The following TIAM1 variants were observed in gnomAD, a reference collection of about 807,000 sequenced individuals.
TIAM1 encodes the protein rho guanine nucleotide exchange factor TIAM1.
A neutral mutation model predicts 163.5 loss-of-function variants in TIAM1; 65 were observed. The ratio of observed to expected loss-of-function variants is 0.40; its 90% CI spans 0.33 to 0.49. The LOEUF (loss-of-function observed/expected upper bound fraction) is 0.49. Ranked by LOEUF, TIAM1 falls within the 20% of genes least tolerant of loss-of-function variation. The probability of loss-of-function intolerance (pLI) is 0.77; values close to 1 mark genes in which losing one functional copy is unlikely to be tolerated. For missense variants in TIAM1, 1,789 were observed against 2,044.7 expected, an observed-to-expected ratio of 0.87 and a Z score of 2.41; for synonymous variants, 833 against 810.1, an observed-to-expected ratio of 1.03 and a Z score of -0.48.
In TIAM1 at chr21:31,479,369, TTGGATGGATGGA is replaced by T. The variant is rs58755974; in HGVS notation, c.-421-15346_-421-15335del. 1.0e-4 allele frequency among the ~76,000 whole-genome samples: 15 copies of T among 149,608 alleles called. No homozygotes were observed. The South Asian group carries it at 1.3e-3, about 13-fold the overall frequency. ...TATAATTATGCATGTGGATGGATGA[TTGGATGGATGGA>T]TGGATGGATGGATGGATGGACGGAG... On this transcript the variant is annotated intron_variant, in intron 1 of 28. Transcript: ENST00000286827.
intron 6 of TIAM1, among the ~76,000 whole-genome samples, chr21:31,227,198 C>A (rs933628932): frequency 2.0e-5 from 3 of 152,058 alleles, no homozygotes; most frequent in African/African-American, 7.2e-5. Context: ...CTCAAGTGAT[C>A]CACCCGCCTC....
intron 1 of TIAM1, among the ~76,000 whole-genome samples, chr21:31,512,605 C>CT (rs1390999779): frequency 6.9e-6 from 1 of 144,532 alleles, no homozygotes; most frequent in Non-Finnish European, 1.5e-5. Flanking sequence ...CTGTCTTTTT[C>CT]TTTTTTCTTT....
At chr21:31,400,251 C>T (rs947755213) in intron 2 of TIAM1, among the ~76,000 whole-genome samples, 4 of 151,914 alleles carry the variant, frequency 2.6e-5, no homozygotes, top group African/African-American at 9.7e-5. Context: ...CCTCAGCTCC[C>T]GAGTAGCTGG....
At chr21:31,182,739 G>T in intron 14 of TIAM1, 94 bp from the exon 15 acceptor site, 1 of 1,285,846 alleles carries the variant, frequency 7.8e-7, no homozygotes, top group African/African-American at 1.5e-5. Flanking sequence ...CCTGCTGTGG[G>T]TCTCACAGCC....
chr21:31,486,842 A>C (rs1162797913), intron 1 of TIAM1, among the ~76,000 whole-genome samples: 1 of 152,188 alleles, frequency 6.6e-6, no homozygotes, highest in African/African-American at 2.4e-5. Flanking sequence ...AGGCCCCCGC[A>C]TGTCACACGA....
intron 1 of TIAM1, among the ~76,000 whole-genome samples, chr21:31,556,535 G>GTT (rs61076252): frequency 1.4e-4 from 21 of 148,946 alleles, no homozygotes; most frequent in South Asian, 6.4e-4. Context: ...AAAACAGGAA[G>GTT]TTTTTTTTTT....
intron 2 of TIAM1, among the ~76,000 whole-genome samples, chr21:31,438,179 CTTTTTTTTTTTTT>C (rs34844399): frequency 2.9e-4 from 18 of 62,718 alleles, no homozygotes; most frequent in South Asian, 6.6e-4. Context: ...TATTTGTGAT[CTTTTTTTTTTTTT>C]TTTTTTTTTT....
chr21:31,204,310 A>C (rs2086346619), intron 11 of TIAM1, among the ~76,000 whole-genome samples: 1 of 152,204 alleles, frequency 6.6e-6, no homozygotes, highest in Non-Finnish European at 1.5e-5. Context: ...GAGTGAGTAA[A>C]TCGATAAAAC....
chr21:31,437,227 C>T (rs1370707550), intron 2 of TIAM1, among the ~76,000 whole-genome samples: 1 of 151,968 alleles, frequency 6.6e-6, no homozygotes, highest in Non-Finnish European at 1.5e-5. Flanking sequence ...AAACATACTC[C>T]CATGTCACTA....
At chr21:31,316,286 G>A (rs547564985) in intron 2 of TIAM1, among the ~76,000 whole-genome samples, 1 of 152,096 alleles carries the variant, frequency 6.6e-6, no homozygotes, top group South Asian at 2.1e-4. Flanking sequence ...TCTGAAAGAG[G>A]ATGAGTTTAA....
In TIAM1 at chr21:31,374,721, T is replaced by C. The variant is rs1394257423; in HGVS notation, c.-368-35299A>G. Among the ~76,000 whole-genome samples, 4 of 152,244 alleles carry C rather than the reference T, an allele frequency of 2.6e-5. 1 individual carries two copies. The highest frequency in any genetic ancestry group is 4.4e-5 in the Non-Finnish European group (3 of 68,050). ...AGGTTCCCAGCAGGGGGACAGATTG[T>C]TCCAAGGCAATATGGGATAAGACTT... On this transcript the variant is annotated intron_variant, in intron 2 of 28. Transcript: ENST00000286827.
intron 2 of TIAM1, among the ~76,000 whole-genome samples, chr21:31,385,164 C>T (rs182528561): frequency 1.3e-5 from 2 of 152,244 alleles, no homozygotes; most frequent in East Asian, 3.9e-4. Context: ...CAGGTTCAAG[C>T]GATTCTTCTG....
At chr21:31,423,700 TAAAAAAAAAAAA>T (rs200137644) in intron 2 of TIAM1, among the ~76,000 whole-genome samples, 8 of 48,226 alleles carry the variant, frequency 1.7e-4, no homozygotes, top group East Asian at 1.2e-3. Flanking sequence ...TAGAAAGTTG[TAAAAAAAAAAAA>T]AAAAAAAAAA....
intron 1 of TIAM1, among the ~76,000 whole-genome samples, chr21:31,555,516 C>T (rs1364423405): frequency 1.3e-5 from 2 of 152,086 alleles, no homozygotes; most frequent in East Asian, 1.9e-4. Context: ...TTCTTAACCA[C>T]GAGCCTGAGT....
chr21:31,406,505 C>T (rs2147229424), intron 2 of TIAM1, among the ~76,000 whole-genome samples: 1 of 142,332 alleles, frequency 7.0e-6, no homozygotes, highest in Non-Finnish European at 1.5e-5. Context: ...AGCTTTAGAA[C>T]AGGGCCTGCC....
chr21:31,452,891 C>T (rs2044922993), intron 2 of TIAM1: 4 of 515,662 alleles, frequency 7.8e-6, no homozygotes, highest in Admixed American at 2.1e-5. Flanking sequence ...TTTGGTATGA[C>T]GATGTCCTGA....
chr21:31,522,136 G>A (rs937063515), intron 1 of TIAM1, among the ~76,000 whole-genome samples: 1 of 151,850 alleles, frequency 6.6e-6, no homozygotes. Flanking sequence ...CTCCCAAAAT[G>A]CTGGGATTAC....
chr21:31,284,109 T>A (rs2073691177), intron 2 of TIAM1, among the ~76,000 whole-genome samples: 1 of 152,176 alleles, frequency 6.6e-6, no homozygotes, highest in Admixed American at 6.5e-5. Flanking sequence ...CACTGTGGCT[T>A]AACGTACAGG....
At chr21:31,327,643 C>CAAAAAAAAAA (rs373702154) in intron 2 of TIAM1, among the ~76,000 whole-genome samples, 12 of 69,468 alleles carry the variant, frequency 1.7e-4, no homozygotes, top group African/African-American at 2.6e-4. Context: ...GCCGCCATCT[C>CAAAAAAAAAA]AAAAAAAAAA....
Sources: gnomAD v4.1 joint callset for allele counts (sites outside exome capture counted in the v4.1 genomes callset) on GRCh38, gnomAD v4.1.1 for gene constraint, MANE v1.5 for transcripts, NCBI Gene and HGNC (gene_info 2026-07-23, HGNC 2026-07-21) for gene names.